Variants in PLCB3 observed in about 807,000 individuals in gnomAD.
The protein encoded by PLCB3 is phospholipase C beta 3, also known as 1-phosphatidylinositol 4,5-bisphosphate phosphodiesterase beta-3.
Under a neutral mutation model 152.1 loss-of-function variants are expected in PLCB3, and 54 were observed. That is an observed-to-expected ratio of 0.36 (90% CI 0.29 to 0.45). The LOEUF (loss-of-function observed/expected upper bound fraction) is 0.45. Among genes scored for constraint, PLCB3 ranks in the 20% least tolerant of loss-of-function variants. PLCB3 has a pLI of 1.00. For synonymous variants in PLCB3, 717 were observed against 698.7 expected, an observed-to-expected ratio of 1.03 and a Z score of -0.41; for missense variants, 1,248 against 1,687.5, an observed-to-expected ratio of 0.74 and a Z score of 4.56.
Position 64,251,715 on chromosome 11 carries a change from G to A in PLCB3, c.66G>A (p.Leu22=). ...AGCCGCCCACCGTGGTGGAGACCCT[G>A]CGGCGCGGGAGTAAGTTCATCAAAT... ...QLEPPTVVET[L]RRGSKFIKWD... The change falls in exon 1 of 31, where the codon CTG becomes CTA. Residue 22 remains leucine, a synonymous_variant. Coordinates refer to ENST00000279230, the MANE Select transcript of PLCB3 (RefSeq NM_000932.5). 2.0e-6 allele frequency: 3 copies of A among 1,484,660 alleles called. No homozygotes were observed. Among genetic ancestry groups the A allele is most frequent in the Non-Finnish European group, 2.7e-6 (3 of 1,115,314 alleles). 92.0% of individuals were successfully genotyped at this position (1,484,660 alleles called of 1,614,324 possible).
rs1266616497 is a variant in PLCB3, at chr11:64,261,380, C to T, written c.1732-20C>T. 4 of 1,598,798 alleles carry T rather than the reference C, an allele frequency of 2.5e-6. No individual in the cohort carries two copies. The South Asian group carries it at 4.4e-5, about 18-fold the overall frequency. On this transcript the variant is annotated intron_variant, in intron 14 of 30. Coordinates refer to ENST00000279230, the MANE Select transcript of PLCB3 (RefSeq NM_000932.5). ...GCTGTGGCGGGAATGGCACTGCTGA[C>T]CCTGGGTTGGGGCCCACAGGGCACA...
At chr11:64,269,143 C>T (rs2032299458), downstream of PLCB3, 1 of 152,506 alleles carries the variant, frequency 6.6e-6, no homozygotes, top group Admixed American at 6.5e-5. Flanking sequence ...ACATTCCAGC[C>T]CCTAGAAGCC....
chr11:64,261,844 G>C, intron 16 of PLCB3, 108 bp from the exon 17 acceptor site: 1 of 1,541,532 alleles, frequency 6.5e-7, no homozygotes, highest in Non-Finnish European at 8.9e-7. Flanking sequence ...GCTAGGCTAA[G>C]AAACAGAGGC....
rs145777645 is a variant in PLCB3, at chr11:64,260,206, C to G, written c.1703C>G (p.Thr568Arg). 182 of 1,576,824 alleles carry G rather than the reference C, an allele frequency of 1.2e-4. 1 individual carries two copies. The East Asian group carries it at 4.2e-3, about 36-fold the overall frequency. ...EEEDEEEEEQ[T>R]DPKKPTTDEG... ...GAAGATGAGGAAGAGGAGGAACAGA[C>G]AGACCCCAAAAAGCCAACTACAGAT... Residue 568 changes from threonine to arginine, a missense_variant, in exon 14 of 31, where the codon ACA becomes AGA. Physicochemically the swap from Thr to Arg is moderately conservative, Grantham distance 71. Transcript: ENST00000279230.
intron 22 of PLCB3, 64 bp downstream of exon 22, chr11:64,264,176 T>G: frequency 9.2e-7 from 1 of 1,084,718 alleles, no homozygotes; most frequent in South Asian, 1.6e-5. Flanking sequence ...ACATGACTGC[T>G]GTGGCCACAT....
chr11:64,269,407 T>C (rs1197037652), downstream of PLCB3, among the ~76,000 whole-genome samples: 2 of 152,196 alleles, frequency 1.3e-5, no homozygotes, highest in Admixed American at 1.3e-4. Context: ...GAGCCCCCGC[T>C]CTGTCCGGGT....
chr11:64,264,550 A>T (rs1228001277), intron 22 of PLCB3, among the ~76,000 whole-genome samples: 2 of 151,804 alleles, frequency 1.3e-5, no homozygotes, highest in Non-Finnish European at 1.5e-5. Context: ...GTTAGCGGAG[A>T]GGCTGGTGCC....
intron 10 of PLCB3, among the ~76,000 whole-genome samples, chr11:64,257,341 G>A (rs1279399928): frequency 6.6e-6 from 1 of 152,090 alleles, no homozygotes; most frequent in Non-Finnish European, 1.5e-5. Context: ...GGGGTTGGGT[G>A]CGGTGACTCA....
chr11:64,254,572 C>T, intron 2 of PLCB3, 80 bp downstream of exon 2: 2 of 1,448,732 alleles, frequency 1.4e-6, no homozygotes, highest in Non-Finnish European at 1.9e-6. Flanking sequence ...GGGGTGGGGC[C>T]CGGCTGCAGG....
chr11:64,258,952 C>T lies in PLCB3; in HGVS notation c.1321C>T (p.Pro441Ser), dbSNP rs2135050862. The T allele has an allele frequency of 1.2e-6, 2 of 1,613,990 alleles. No homozygotes were observed. Among genetic ancestry groups the T allele is most frequent in the African/African-American group, 1.3e-5 (1 of 75,032 alleles). ...SIFGDALLIE[P>S]LDKYPLAPGV... ...CTTTGGAGACGCGCTACTCATCGAG[C>T]CTCTGGACAAGTACCCGGTACGGGA... Residue 441 changes from proline (P) to serine (S), a missense_variant, in exon 12 of 31, where the codon CCT becomes TCT. Pro to Ser is a moderately conservative substitution (Grantham distance 74, BLOSUM62 -1). Transcript: ENST00000279230. This position sits in a 1 kb window ranked among gnomAD's most constrained non-coding sequence, Gnocchi z 7.2.
In PLCB3 at chr11:64,256,457, C is replaced by T. The variant is rs2031536860; in HGVS notation, c.780C>T (p.Asn260=). Residue 260 remains asparagine (N), a synonymous_variant, in exon 9 of 31, where the codon AAC becomes AAT. Coordinates refer to ENST00000279230, the MANE Select transcript of PLCB3 (RefSeq NM_000932.5). ...INQKQRDPRL[N]EVLYPPLRPS... ...AGAAGCAACGCGACCCGAGACTCAA[C>T]GAAGTGCTGTACCCGCCCCTGCGGC... The T allele has an allele frequency of 6.2e-6, 10 of 1,613,706 alleles. No individual in the cohort carries two copies. Among genetic ancestry groups the T allele is most frequent in the East Asian group, 2.2e-5 (1 of 44,884 alleles).
chr11:64,258,348 G>A lies in PLCB3; in HGVS notation c.1013-125G>A. 1 of 1,068,130 alleles carries A rather than the reference G, an allele frequency of 9.4e-7. No homozygotes were observed. The highest frequency in any genetic ancestry group is 1.3e-6 in the Non-Finnish European group (1 of 751,120). 66.2% of individuals were successfully genotyped at this position (1,068,130 alleles called of 1,614,324 possible). A position where few individuals can be genotyped will look rare whatever the true frequency, so the allele number is the denominator to read the frequency against. On this transcript the variant is annotated intron_variant, in intron 10 of 30. Transcript: ENST00000279230. This position sits in a 1 kb window ranked among gnomAD's most constrained non-coding sequence, Gnocchi z 7.2. The stretch of plus-strand genomic sequence containing the variant: ...CTCACGCTGGTGGGATGGACAGGTG[G>A]TGGGTATCCATCTGAGAGATGGAGA...
In PLCB3 at chr11:64,265,483, C is replaced by T. The variant is rs781621157; in HGVS notation, c.3016C>T (p.Arg1006Trp). ...LAQAQAEGRCRLRPGALGGAA... is the reference protein window; with the variant it reads ...LAQAQAEGRCWLRPGALGGAA... ...TCAGGCACAGGCTGAGGGCAGGTGCCGGCTGCGGCCAGGTGCCCTGTGAGT... is the reference window on the plus strand; with the variant it reads ...TCAGGCACAGGCTGAGGGCAGGTGCTGGCTGCGGCCAGGTGCCCTGTGAGT... The change falls in exon 25 of 31, where the codon CGG (arginine) becomes TGG (tryptophan). Residue 1006 changes from arginine to tryptophan, a missense_variant. Around this residue, in one of 6 missense-constraint regions of PLCB3, gnomAD observed 477 missense variants for 489.6 expected, o/e 0.97. Transcript: ENST00000279230. 2.7e-5 allele frequency: 44 copies of T among 1,602,608 alleles called. No homozygotes were observed. The highest frequency in any genetic ancestry group is 3.3e-5 in the South Asian group (3 of 90,750).
rs2031878197 is a variant in PLCB3, at chr11:64,262,016, A to G, written c.1978A>G (p.Met660Val). Reference sequence around the variant, plus strand: ...CACCCGCGTGGACTCCTCCAACTACATGCCCCAGCTCTTCTGGAACGTAGG... The same window carrying G: ...CACCCGCGTGGACTCCTCCAACTACGTGCCCCAGCTCTTCTGGAACGTAGG... The part of the protein sequence containing the change: ...KGTRVDSSNY[M>V]PQLFWNVGCQ... Residue 660 changes from methionine (M) to valine (V), a missense_variant, in exon 17 of 31, where the codon ATG becomes GTG. By Grantham distance (21) the Met-to-Val change is conservative. Coordinates refer to ENST00000279230, the MANE Select transcript of PLCB3 (RefSeq NM_000932.5). 4 of 1,613,996 alleles carry G rather than the reference A, an allele frequency of 2.5e-6. No homozygotes were observed. Among genetic ancestry groups the G allele is most frequent in the Non-Finnish European group, 2.5e-6 (3 of 1,179,972 alleles).
In PLCB3 at chr11:64,267,752, G is replaced by C. The variant is rs2032201623; in HGVS notation, c.*196G>C. ...CTTCCTGCCCTCAGTCTTAGGTTAG[G>C]GCCTTGGTCAGGGCTTTGCTCCCTG... On this transcript the variant is annotated 3_prime_UTR_variant, in exon 31 of 31. Transcript: ENST00000279230. The surrounding 1 kb of genome is among the most constrained non-coding windows in gnomAD (Gnocchi z 5.2). 3 of 569,956 alleles carry C rather than the reference G, an allele frequency of 5.3e-6. No homozygotes were observed. The South Asian group carries it at 6.7e-5, about 13-fold the overall frequency. The allele number at this position is 569,956 out of a possible 1,614,324, so 35.3% of individuals were successfully genotyped here.
Position 64,266,588 on chromosome 11 carries a change from C to G in PLCB3, c.3414+36C>G, listed in dbSNP as rs369823495. 5 of 1,600,520 alleles carry G rather than the reference C, an allele frequency of 3.1e-6. No homozygotes were observed. The African/African-American group carries it at 5.4e-5, about 17-fold the overall frequency. On this transcript the variant is annotated intron_variant, in intron 29 of 30. Coordinates refer to ENST00000279230, the MANE Select transcript of PLCB3 (RefSeq NM_000932.5). The surrounding 1 kb of genome is among the most constrained non-coding windows in gnomAD (Gnocchi z 4.9). ...CTCCCGGGCCACCCTACCCCACCTC[C>G]CTTCCTTCACTCATCAGACACCCAT...
rs111299825 is a variant in PLCB3, at chr11:64,266,211, C to T, written c.3266+9C>T. 1,083 of 1,613,932 alleles carry T rather than the reference C, an allele frequency of 6.7e-4. 6 individuals carry two copies. The African/African-American group carries it at 8.1e-3, about 12-fold the overall frequency. ...AAAGAGATGAACGAGAGGTGAAAGCCGAGGATTGTCTATGGGAAGGGCTGG... is the reference window on the plus strand; with the variant it reads ...AAAGAGATGAACGAGAGGTGAAAGCTGAGGATTGTCTATGGGAAGGGCTGG... On this transcript the variant is annotated intron_variant, in intron 27 of 30. Transcript: ENST00000279230. The surrounding 1 kb of genome is among the most constrained non-coding windows in gnomAD (Gnocchi z 4.9).
rs1555061408 is a variant in PLCB3 at position 64,257,016 on chromosome 11, T to TTTTC, written c.1012+255_1012+256insCTTT. ...AGGGTCCTTTTTTTTTTTTTTTTTTTTTTTTGAGACAGAGTTTCGCTCTTG... is the reference window on the plus strand; with the variant it reads ...AGGGTCCTTTTTTTTTTTTTTTTTTTTTTCTTTTTGAGACAGAGTTTCGCTCTTG... On this transcript the variant is annotated intron_variant, in intron 10 of 30. Coordinates refer to ENST00000279230, the MANE Select transcript of PLCB3 (RefSeq NM_000932.5). 7.0e-4 allele frequency among the ~76,000 whole-genome samples: 85 copies of TTTTC among 120,684 alleles called. 5 individuals carry two copies. The highest frequency in any genetic ancestry group is 1.4e-3 in the South Asian group (5 of 3,456). 79.2% of individuals were successfully genotyped at this position (120,684 alleles called of 152,430 possible).
chr11:64,261,212 G>C (rs929791057), intron 14 of PLCB3, among the ~76,000 whole-genome samples, 188 bp from the exon 15 acceptor site: 15 of 152,214 alleles, frequency 9.9e-5, no homozygotes, highest in Non-Finnish European at 5.9e-5. Flanking sequence ...GGCTGAGGCA[G>C]GAAAATTGCT....
Sources: allele counts gnomAD v4.1 joint callset (sites outside exome capture counted in the v4.1 genomes callset), GRCh38; gene constraint gnomAD v4.1.1; regional missense constraint gnomAD v4.1.1; non-coding constraint Gnocchi (gnomAD v3.1); transcripts MANE v1.5; gene names NCBI Gene and HGNC (gene_info 2026-07-23, HGNC 2026-07-21).